LINGO2: variants seen among roughly 807,000 people sequenced by gnomAD.
LINGO2 encodes the protein leucine rich repeat and Ig domain containing 2.
Under a neutral mutation model 30.6 loss-of-function variants are expected in LINGO2, and 14 were observed. That is an observed-to-expected ratio of 0.46 (90% CI 0.30 to 0.72). The LOEUF (loss-of-function observed/expected upper bound fraction) is 0.72. Ranked by LOEUF, LINGO2 falls within the 30% of genes least tolerant of loss-of-function variation. The pLI is 0.07. For missense variants in LINGO2, 729 were observed against 751.7 expected (o/e 0.97, Z 0.35); for synonymous variants, 317 against 288.5 (o/e 1.10, Z -1.00).
At chr9:28,019,835 T>C (rs561393934) in intron 4 of LINGO2, among the ~76,000 whole-genome samples, 48 of 152,290 alleles carry the variant, frequency 3.2e-4, no homozygotes, top group African/African-American at 1.1e-3. Context: ...ACTTGCTGAG[T>C]AACCTTTGGC....
the LINGO2 span, among the ~76,000 whole-genome samples, chr9:28,789,252 T>C: frequency 6.6e-6 from 1 of 152,296 alleles, no homozygotes; most frequent in South Asian, 2.1e-4. Context: ...AATCTCACTG[T>C]TTTGAGATAA....
chr9:27,944,780 C>T (rs1452136862), downstream of LINGO2, among the ~76,000 whole-genome samples: 2 of 152,010 alleles, frequency 1.3e-5, no homozygotes, highest in Admixed American at 1.3e-4. Context: ...TGCCTTTGGT[C>T]CCAAAGGTTT....
At chr9:27,968,787 A>G (rs1461513140) in intron 5 of LINGO2, among the ~76,000 whole-genome samples, 1 of 151,822 alleles carries the variant, frequency 6.6e-6, no homozygotes, top group Non-Finnish European at 1.5e-5. Context: ...GTTAGGGCAA[A>G]GATAAGGCTC....
intron 1 of LINGO2, among the ~76,000 whole-genome samples, chr9:28,592,640 A>T (rs935960457): frequency 1.3e-5 from 2 of 152,084 alleles, no homozygotes; most frequent in African/African-American, 4.8e-5. Flanking sequence ...TCCATGGTTG[A>T]ACCAATCAAT....
rs531066110 is a variant in LINGO2, at chr9:28,314,704, G to A, written c.-245-19338C>T. Among the ~76,000 whole-genome samples the A allele has an allele frequency of 2.6e-5, 4 of 152,234 alleles. No homozygotes were observed. The South Asian group carries it at 8.3e-4, about 32-fold the overall frequency. Reference sequence around the variant, plus strand: ...ACAATGGCAAAGATAAATATATGAGGCCGGGCGCGGTGGCTCACGCCTGTA... The same window carrying A: ...ACAATGGCAAAGATAAATATATGAGACCGGGCGCGGTGGCTCACGCCTGTA... On this transcript the variant is annotated intron_variant, in intron 3 of 5. Transcript: ENST00000379992.
intron 4 of LINGO2, among the ~76,000 whole-genome samples, chr9:28,038,504 T>TAA (rs1824048904): frequency 6.6e-6 from 1 of 151,984 alleles, no homozygotes; most frequent in Admixed American, 6.6e-5. Context: ...CCATCCCGGC[T>TAA]AAAACGGTGA....
At chr9:28,051,398 C>T (rs1279186285) in intron 4 of LINGO2, among the ~76,000 whole-genome samples, 1 of 152,044 alleles carries the variant, frequency 6.6e-6, no homozygotes, top group Admixed American at 6.6e-5. Flanking sequence ...CTCATTTGTC[C>T]ACTGATTCTG....
At chr9:28,326,708 C>T (rs763616697) in intron 3 of LINGO2, among the ~76,000 whole-genome samples, 2 of 152,114 alleles carry the variant, frequency 1.3e-5, no homozygotes, top group Admixed American at 6.6e-5. Context: ...TTCAAATAAA[C>T]GACTGAATAA....
intron 1 of LINGO2, among the ~76,000 whole-genome samples, chr9:28,588,178 C>T (rs1169310409): frequency 1.3e-5 from 2 of 151,986 alleles, no homozygotes; most frequent in Non-Finnish European, 2.9e-5. Context: ...GCAGCCCATT[C>T]CCCCTCTGTT....
the LINGO2 span, among the ~76,000 whole-genome samples, chr9:28,979,648 C>T: frequency 0.65 from 98,944 of 151,808 alleles, 32,836 homozygotes; most frequent in Non-Finnish European, 0.72. Context: ...TATACATATG[C>T]GGGACTATGC....
chr9:28,915,937 T>C, the LINGO2 span, among the ~76,000 whole-genome samples: 3 of 152,158 alleles, frequency 2.0e-5, no homozygotes, highest in African/African-American at 7.2e-5. Flanking sequence ...CGGTCGCGAA[T>C]TTCTGGCTTG....
At chr9:28,422,663 A>T (rs937147324) in intron 2 of LINGO2, among the ~76,000 whole-genome samples, 2 of 152,068 alleles carry the variant, frequency 1.3e-5, no homozygotes, top group Admixed American at 1.3e-4. Context: ...TAGCAATTCT[A>T]CTCTGAGTAT....
intron 1 of LINGO2, among the ~76,000 whole-genome samples, chr9:28,650,702 A>T (rs1828057302): frequency 1.3e-5 from 2 of 152,254 alleles, no homozygotes; most frequent in Non-Finnish European, 2.9e-5. Context: ...CTAATAAACG[A>T]GCCCCTTCTC....
chr9:28,749,016 T>C, the LINGO2 span, among the ~76,000 whole-genome samples: 1 of 152,050 alleles, frequency 6.6e-6, no homozygotes, highest in African/African-American at 2.4e-5. Flanking sequence ...TTTTGACTTA[T>C]ATTCTAAAAA....
rs1819545495 is a variant in LINGO2, at chr9:28,186,420, C to G, written c.-87+108788G>C. Among the ~76,000 whole-genome samples, 4 of 152,172 alleles carry G rather than the reference C, an allele frequency of 2.6e-5. 1 individual carries two copies. The highest frequency in any genetic ancestry group is 4.4e-5 in the Non-Finnish European group (3 of 68,028). On this transcript the variant is annotated intron_variant, in intron 4 of 5. Coordinates refer to ENST00000379992, the Ensembl canonical transcript of LINGO2. Reference sequence around the variant, plus strand: ...CAGAAGGTCTTTTGCGAGCCAAGTACTGCTCTAGGGCCAGAGGATTCAGCA... The same window carrying G: ...CAGAAGGTCTTTTGCGAGCCAAGTAGTGCTCTAGGGCCAGAGGATTCAGCA...
At chr9:28,664,260 C>T (rs1041499292) in intron 1 of LINGO2, among the ~76,000 whole-genome samples, 5 of 151,978 alleles carry the variant, frequency 3.3e-5, no homozygotes, top group Non-Finnish European at 7.4e-5. Context: ...TTCCTCAGCC[C>T]ACAGTACTGC....
At chr9:29,097,758 C>G in the LINGO2 span, among the ~76,000 whole-genome samples, 7 of 138,196 alleles carry the variant, frequency 5.1e-5, 2 homozygotes, top group Non-Finnish European at 7.8e-5. Flanking sequence ...CAATGCATGC[C>G]CCTTCACTAG....
Position 28,515,164 on chromosome 9 carries a change from G to C in LINGO2, c.-364-39139C>G, listed in dbSNP as rs1009110186. 7.9e-5 allele frequency among the ~76,000 whole-genome samples: 12 copies of C among 151,990 alleles called. 1 individual carries two copies. The highest frequency in any genetic ancestry group is 2.9e-4 in the African/African-American group (12 of 41,456). On this transcript the variant is annotated intron_variant, in intron 1 of 5. Transcript: ENST00000379992. ...TCCATTCTGCAGTCCACGGATCAAG[G>C]AGTAGTTTTGACTTTCAAGTCTTAT... is the stretch of plus-strand genomic sequence containing the variant.
chr9:28,014,071 C>T (rs1434919942), intron 4 of LINGO2, among the ~76,000 whole-genome samples: 1 of 152,080 alleles, frequency 6.6e-6, no homozygotes, highest in Non-Finnish European at 1.5e-5. Context: ...CAAGTGCAGC[C>T]TTTTTTTGCC....
Sources: allele counts gnomAD v4.1 joint callset (sites outside exome capture counted in the v4.1 genomes callset), GRCh38; gene constraint gnomAD v4.1.1; transcripts MANE v1.5; gene names NCBI Gene and HGNC (gene_info 2026-07-23, HGNC 2026-07-21).